The following ROBO1 variants were observed in gnomAD, a reference collection of about 807,000 sequenced individuals.
The protein encoded by ROBO1 is roundabout homolog 1.
ROBO1 carries 149 observed loss-of-function variants against 195.9 expected under a neutral mutation model. That is an observed-to-expected ratio of 0.76 (90% confidence interval 0.67 to 0.87). The LOEUF is 0.87. ROBO1 is among the 40% of genes least tolerant of loss of function. The pLI is 0.00. For synonymous variants in ROBO1, 816 were observed against 733.2 expected (o/e 1.11, Z -1.82); for missense variants, 1,933 against 2,068.3 (o/e 0.93, Z 1.27).
At chr3:78,656,972 G>C (rs988349458) in intron 18 of ROBO1, 126 bp downstream of exon 18, 6 of 842,564 alleles carry the variant, frequency 7.1e-6, no homozygotes, top group Non-Finnish European at 1.1e-5. Flanking sequence ...CCTTTTTGTA[G>C]CTCTAAGCCA....
At chr3:79,696,806 T>C (rs995771531) in intron 1 of ROBO1, among the ~76,000 whole-genome samples, 4 of 151,520 alleles carry the variant, frequency 2.6e-5, no homozygotes, top group African/African-American at 9.7e-5. Context: ...TGTATTAGTT[T>C]GAGAGCCATG....
chr3:79,697,413 G>C (rs1947479407), intron 1 of ROBO1, among the ~76,000 whole-genome samples: 1 of 151,318 alleles, frequency 6.6e-6, no homozygotes, highest in Non-Finnish European at 1.5e-5. Flanking sequence ...CAATGAGCTA[G>C]ATTTAATTTT....
chr3:79,745,453 G>A (rs1395119523), intron 1 of ROBO1, among the ~76,000 whole-genome samples: 1 of 152,164 alleles, frequency 6.6e-6, no homozygotes, highest in Admixed American at 6.5e-5. Flanking sequence ...ACTGGGAAAT[G>A]TATCAGAGTA....
chr3:78,797,722 C>T (rs963098300), intron 4 of ROBO1, among the ~76,000 whole-genome samples: 1 of 152,068 alleles, frequency 6.6e-6, no homozygotes, highest in Non-Finnish European at 1.5e-5. Context: ...CTTGATTCTA[C>T]ACCAAAATGG....
At position 78,698,821 on chromosome 3, in the gene ROBO1, A is replaced by G. The variant is rs577731251; in HGVS notation, c.1046-10049T>C. Among the ~76,000 whole-genome samples the G allele has an allele frequency of 3.9e-5, 6 of 152,322 alleles. No homozygotes were observed. The South Asian group carries it at 1.0e-3, about 26-fold the overall frequency. On this transcript the variant is annotated intron_variant, in intron 8 of 30. Coordinates refer to ENST00000464233, the MANE Select transcript of ROBO1 (RefSeq NM_002941.4). ...GCACAATGCCTGACCTATCACAGGT[A>G]CTCAGAAAAGGTTAGTACTCTTGCT... is the stretch of plus-strand genomic sequence containing the variant.
intron 4 of ROBO1, among the ~76,000 whole-genome samples, chr3:78,836,162 G>T (rs1233000322): frequency 6.6e-6 from 1 of 152,092 alleles, no homozygotes; most frequent in East Asian, 1.9e-4. Flanking sequence ...TTATAAGAAA[G>T]AAACTTAGCT....
intron 2 of ROBO1, among the ~76,000 whole-genome samples, chr3:79,514,681 C>G (rs372546254): frequency 5.7e-4 from 86 of 151,858 alleles, no homozygotes; most frequent in African/African-American, 2.1e-3. Context: ...ACCTTTTAAC[C>G]TATTGATGTG....
chr3:79,233,337 A>C (rs940287008), intron 2 of ROBO1, among the ~76,000 whole-genome samples: 3 of 152,132 alleles, frequency 2.0e-5, no homozygotes, highest in African/African-American at 7.2e-5. Context: ...AGACAAGGAA[A>C]TATAATCACA....
At chr3:78,749,244 G>C (rs2082730625) in intron 4 of ROBO1, among the ~76,000 whole-genome samples, 1 of 152,002 alleles carries the variant, frequency 6.6e-6, no homozygotes, top group South Asian at 2.1e-4. Context: ...ATTTTTCTCT[G>C]TGGCAACCTT....
intron 2 of ROBO1, among the ~76,000 whole-genome samples, chr3:79,437,343 C>T (rs770671164): frequency 6.6e-6 from 1 of 151,958 alleles, no homozygotes; most frequent in Non-Finnish European, 1.5e-5. Flanking sequence ...TCTTCCCTTC[C>T]GTTCCTTTCT....
At chr3:79,308,948 A>G (rs1443044074) in intron 2 of ROBO1, among the ~76,000 whole-genome samples, 1 of 152,184 alleles carries the variant, frequency 6.6e-6, no homozygotes, top group East Asian at 1.9e-4. Context: ...AGAGAGGAAC[A>G]ATGTTTAAAT....
intron 1 of ROBO1, among the ~76,000 whole-genome samples, chr3:79,691,133 C>T (rs1259691513): frequency 1.3e-5 from 2 of 151,810 alleles, no homozygotes; most frequent in African/African-American, 4.8e-5. Flanking sequence ...AAGAACAAGT[C>T]CCTGTATTTT....
intron 2 of ROBO1, among the ~76,000 whole-genome samples, chr3:79,322,950 T>C (rs941885760): frequency 6.6e-6 from 1 of 152,170 alleles, no homozygotes; most frequent in Non-Finnish European, 1.5e-5. Context: ...AACTGGTAAA[T>C]GTATAGGGAA....
chr3:79,507,402 A>C (rs1375593298), intron 2 of ROBO1, among the ~76,000 whole-genome samples: 1 of 152,210 alleles, frequency 6.6e-6, no homozygotes, highest in Non-Finnish European at 1.5e-5. Flanking sequence ...GAAATAGCTG[A>C]AGAGCAGTAC....
intron 1 of ROBO1, among the ~76,000 whole-genome samples, chr3:79,647,862 T>C (rs1392054299): frequency 6.6e-6 from 1 of 152,100 alleles, no homozygotes; most frequent in Non-Finnish European, 1.5e-5. Flanking sequence ...GATATATCAG[T>C]TCTTTAAGAT....
intron 2 of ROBO1, among the ~76,000 whole-genome samples, chr3:79,506,213 G>A (rs573314144): frequency 2.6e-5 from 4 of 152,044 alleles, no homozygotes; most frequent in South Asian, 2.1e-4. Context: ...AAAGCCTTTC[G>A]TAGCAGTGAG....
At chr3:78,600,640 T>C (rs967732219) in intron 29 of ROBO1, among the ~76,000 whole-genome samples, 1 of 152,158 alleles carries the variant, frequency 6.6e-6, no homozygotes, top group East Asian at 1.9e-4. Context: ...TCATTCACTA[T>C]ATGATCTCAG....
At chr3:79,695,534 C>T (rs1576243478) in intron 1 of ROBO1, among the ~76,000 whole-genome samples, 1 of 151,268 alleles carries the variant, frequency 6.6e-6, no homozygotes, top group South Asian at 2.1e-4. Flanking sequence ...GATTAAAAAA[C>T]AGAGCAAAAC....
At chr3:79,650,016 T>C (rs942696284) in intron 1 of ROBO1, among the ~76,000 whole-genome samples, 2 of 152,032 alleles carry the variant, frequency 1.3e-5, no homozygotes, top group Non-Finnish European at 2.9e-5. Context: ...ATACTTTCTA[T>C]TTTAAGATTT....
Sources: gnomAD v4.1 joint callset for allele counts (sites outside exome capture counted in the v4.1 genomes callset) on GRCh38, gnomAD v4.1.1 for gene constraint, MANE v1.5 for transcripts, NCBI Gene and HGNC (gene_info 2026-07-23, HGNC 2026-07-21) for gene names.